Variants in REPS2 observed in about 807,000 individuals in gnomAD.
REPS2 encodes the protein ralBP1-associated Eps domain-containing protein 2.
Under a neutral mutation model 53.6 loss-of-function variants are expected in REPS2, and 23 were observed. That is an observed-to-expected ratio of 0.43 (90% CI 0.31 to 0.61). The LOEUF (loss-of-function observed/expected upper bound fraction) is 0.61, where lower values mean the gene tolerates loss of function less well. Among genes scored for constraint, REPS2 ranks in the 20% least tolerant of loss-of-function variants. The pLI is 0.11. For synonymous variants in REPS2, 238 were observed against 218.6 expected (o/e 1.09, Z -0.78); for missense variants, 446 against 534.9 (o/e 0.83, Z 1.64).
intron 5 of REPS2, among the ~76,000 whole-genome samples, chrX:17,046,596 G>A (rs985087274): frequency 8.9e-6 from 1 of 112,007 alleles, no homozygotes; most frequent in African/African-American, 3.2e-5. Flanking sequence ...CCCTAGCATC[G>A]ACATTTCCCT....
At chrX:17,166,602 G>A in the REPS2 span, among the ~76,000 whole-genome samples, 1 of 111,798 alleles carries the variant, frequency 8.9e-6, no homozygotes, top group Non-Finnish European at 1.9e-5. Flanking sequence ...GAGGAGACCT[G>A]GCAGAACCAC....
intron 1 of REPS2, among the ~76,000 whole-genome samples, chrX:16,965,100 C>T (rs1212857970): frequency 2.2e-5 from 2 of 91,692 alleles, no homozygotes; most frequent in East Asian, 3.7e-4. Flanking sequence ...CTGACCCCCC[C>T]ACCTCCCTCC....
chrX:17,098,392 A>T (rs777764794), intron 13 of REPS2, among the ~76,000 whole-genome samples: 21 of 112,019 alleles, frequency 1.9e-4, no homozygotes, highest in African/African-American at 6.8e-4. Context: ...TTTTTCAGGG[A>T]TTATATATCT....
At chrX:17,113,785 C>T (rs186164030) in intron 14 of REPS2, among the ~76,000 whole-genome samples, 2 of 111,111 alleles carry the variant, frequency 1.8e-5, no homozygotes, top group African/African-American at 6.5e-5. Flanking sequence ...AAGCCTGTCC[C>T]CCTTCCTTCT....
At chrX:17,146,421 C>A (rs1396959424) in intron 17 of REPS2, among the ~76,000 whole-genome samples, 1 of 111,464 alleles carries the variant, frequency 9.0e-6, no homozygotes, top group Non-Finnish European at 1.9e-5. Flanking sequence ...ATTGCTAACT[C>A]TGAGAAGCCT....
At chrX:17,096,381 C>T (rs1040796863) in intron 13 of REPS2, among the ~76,000 whole-genome samples, 10 of 111,062 alleles carry the variant, frequency 9.0e-5, no homozygotes, top group Non-Finnish European at 1.1e-4. Flanking sequence ...AGGAAGAGGC[C>T]GGGCGCGGTG....
At chrX:16,976,968 A>T (rs2060962699) in intron 1 of REPS2, among the ~76,000 whole-genome samples, 1 of 111,588 alleles carries the variant, frequency 9.0e-6, no homozygotes, top group Admixed American at 9.5e-5. Context: ...GTAATAGGAG[A>T]CACCAGGACA....
At chrX:17,016,877 T>C (rs1411897629) in intron 2 of REPS2, among the ~76,000 whole-genome samples, 4 of 108,786 alleles carry the variant, frequency 3.7e-5, no homozygotes. Context: ...TAAATTCATG[T>C]CCATCAAAAA....
chrX:16,990,168 G>T (rs1231357094), intron 1 of REPS2, among the ~76,000 whole-genome samples: 1 of 111,977 alleles, frequency 8.9e-6, no homozygotes, highest in East Asian at 2.8e-4. Context: ...TATGCCGAGT[G>T]AGAAAAGCCA....
At chrX:17,194,549 C>T in the REPS2 span, among the ~76,000 whole-genome samples, 6 of 111,467 alleles carry the variant, frequency 5.4e-5, no homozygotes, top group East Asian at 1.7e-3. Context: ...AAATGGAAAA[C>T]AGATTAATGG....
At chrX:16,999,579 C>T (rs1375775245) in intron 1 of REPS2, among the ~76,000 whole-genome samples, 2 of 110,034 alleles carry the variant, frequency 1.8e-5, no homozygotes, top group African/African-American at 6.6e-5. Context: ...TTATTGTAGT[C>T]CTTCTAGCCC....
rs1435379744 is a variant in REPS2, at chrX:17,142,803, A to G, written c.1914+3842A>G. ...GTTCAGCAGTTTCCTATGAAGTTAT[A>G]CATACACTAACCATGTGACCCAGCT... is the stretch of plus-strand genomic sequence containing the variant. On this transcript the variant is annotated intron_variant, in intron 17 of 17. Transcript: ENST00000357277. 8.9e-5 allele frequency among the ~76,000 whole-genome samples: 10 copies of G among 112,187 alleles called. No individual in the cohort carries two copies. In the East Asian group the frequency reaches 2.3e-3, roughly 25 times the overall value.
At chrX:17,163,038 GA>G in the REPS2 span, among the ~76,000 whole-genome samples, 1 of 112,217 alleles carries the variant, frequency 8.9e-6, no homozygotes, top group Non-Finnish European at 1.9e-5. Flanking sequence ...AGGAGGCCCA[GA>G]TCTTGGGCTT....
At chrX:17,104,658 G>A (rs1027009706) in intron 14 of REPS2, among the ~76,000 whole-genome samples, 11 of 111,548 alleles carry the variant, frequency 9.9e-5, no homozygotes, top group African/African-American at 3.6e-4. Flanking sequence ...ATGGTTTTTA[G>A]CATCCACTCA....
rs1236279830 is a variant in REPS2, at chrX:17,124,791, T to G, written c.1579-9033T>G. 5.5e-5 allele frequency among the ~76,000 whole-genome samples: 6 copies of G among 108,828 alleles called. No individual in the cohort carries two copies. In the Admixed American group the frequency reaches 5.9e-4, roughly 11 times the overall value. 94.5% of individuals were successfully genotyped at this position (108,828 alleles called of 115,157 possible). On this transcript the variant is annotated intron_variant, in intron 14 of 17. Transcript: ENST00000357277. ...GTTCGTTTTTCTGACCTGCCAATAT[T>G]GCAAACCTAAAAAAAAAAAAGTTAC...
intron 1 of REPS2, among the ~76,000 whole-genome samples, chrX:16,974,424 T>C (rs1349263630): frequency 9.0e-6 from 1 of 110,984 alleles, no homozygotes; most frequent in African/African-American, 3.3e-5. Flanking sequence ...GGCAGGTGGA[T>C]TGTCTGAGTT....
At chrX:17,025,325 T>C (rs1184693904) in intron 4 of REPS2, 140 bp downstream of exon 4, 2 of 671,007 alleles carry the variant, frequency 3.0e-6, no homozygotes, top group Non-Finnish European at 4.2e-6. Context: ...TTTAATTTTA[T>C]ATTCTCAAGC....
chrX:17,169,750 T>C, the REPS2 span, among the ~76,000 whole-genome samples: 5 of 112,465 alleles, frequency 4.4e-5, no homozygotes, highest in Non-Finnish European at 9.4e-5. Flanking sequence ...GGGTTCCCCA[T>C]TCTGTAGTGT....
the REPS2 span, among the ~76,000 whole-genome samples, chrX:17,173,664 C>T: frequency 8.9e-6 from 1 of 111,988 alleles, no homozygotes; most frequent in African/African-American, 3.3e-5. Context: ...TAGAATTGAG[C>T]CACACTATTT....
Sources: gnomAD v4.1 joint callset for allele counts (sites outside exome capture counted in the v4.1 genomes callset) on GRCh38, gnomAD v4.1.1 for gene constraint, MANE v1.5 for transcripts, NCBI Gene and HGNC (gene_info 2026-07-23, HGNC 2026-07-21) for gene names.